CLEC2A: variants seen among roughly 807,000 people sequenced by gnomAD.
CLEC2A encodes the protein C-type lectin domain family 2 member A, also known as keratinocyte-associated C-type lectin.
A neutral mutation model predicts 18.6 loss-of-function variants in CLEC2A; 19 were observed. That is an observed-to-expected ratio of 1.02 (90% CI 0.71 to 1.50). The LOEUF (loss-of-function observed/expected upper bound fraction) is 1.50, where lower values mean the gene tolerates loss of function less well. Ranked by LOEUF, CLEC2A falls within the 40% of genes most tolerant of loss-of-function variation. The probability of loss-of-function intolerance (pLI) is 0.00; values close to 1 mark genes in which losing one functional copy is unlikely to be tolerated. For synonymous variants in CLEC2A, 74 were observed against 64.0 expected, an observed-to-expected ratio of 1.16 and a Z score of -0.75; for missense variants, 190 against 207.9, an observed-to-expected ratio of 0.91 and a Z score of 0.53.
chr12:9,913,401 T>C lies in CLEC2A; in HGVS notation c.*165A>G. On this transcript the variant is annotated 3_prime_UTR_variant, in exon 5 of 5. Coordinates refer to ENST00000455827, the MANE Select transcript of CLEC2A (RefSeq NM_001130711.2). The stretch of plus-strand genomic sequence containing the variant: ...GCTCCAGAGAACGGCCTTGTCTCTT[T>C]AACCATGGCAGGGCACAGCAAGAAG... 1 of 1,267,726 alleles carries C rather than the reference T, an allele frequency of 7.9e-7. No individual in the cohort carries two copies. 78.5% of individuals were successfully genotyped at this position (1,267,726 alleles called of 1,614,324 possible).
At chr12:9,887,414 A>G in the CLEC2A span, among the ~76,000 whole-genome samples, 1 of 152,234 alleles carries the variant, frequency 6.6e-6, no homozygotes, top group Admixed American at 6.5e-5. Context: ...AAACGCACCT[A>G]AAAAGATTCT....
chr12:9,894,126 TTCTCTCTC>T (rs141327204), downstream of CLEC2A, among the ~76,000 whole-genome samples: 407 of 130,290 alleles, frequency 3.1e-3, 3 homozygotes, highest in African/African-American at 0.011. Context: ...TTTCTTTTCT[TTCTCTCTC>T]TCTCTCTCTC....
rs553835403 is a variant in CLEC2A, at chr12:9,900,343, C to G, written c.411-1367G>C. 6.2e-4 allele frequency among the ~76,000 whole-genome samples: 94 copies of G among 152,218 alleles called. No homozygotes were observed. In the South Asian group the frequency reaches 0.019, roughly 31 times the overall value. On this transcript the variant is annotated intron_variant, in intron 4 of 4. Transcript: ENST00000339766. The stretch of plus-strand genomic sequence containing the variant: ...TAAGATGTAAGCAAAAACTTCAAAA[C>G]AACGAGTGATCTTAGAATTTAATAA...
At chr12:9,897,597 A>T (rs529635617), downstream of CLEC2A, among the ~76,000 whole-genome samples, 1 of 150,958 alleles carries the variant, frequency 6.6e-6, no homozygotes, top group African/African-American at 2.4e-5. Flanking sequence ...TCCTGCCAAC[A>T]GTGCCACCTC....
At chr12:9,884,281 T>A in the CLEC2A span, among the ~76,000 whole-genome samples, 7 of 151,980 alleles carry the variant, frequency 4.6e-5, no homozygotes, top group African/African-American at 1.7e-4. Flanking sequence ...TACTATAGCA[T>A]AGATGTCATA....
chr12:9,890,481 G>T, the CLEC2A span, among the ~76,000 whole-genome samples: 1 of 152,218 alleles, frequency 6.6e-6, no homozygotes, highest in East Asian at 1.9e-4. Context: ...TTTCCTTCTG[G>T]CTTTCAGCTA....
chr12:9,898,917 C>G lies in CLEC2A; in HGVS notation c.470G>C (p.Gly157Ala), dbSNP rs1430373152. ...TCCCTCAGAGGCCTATCTAAGGGGT[C>G]CCAGCAGAAGAAGCCATTGTCGGAG... Residue 157 changes from glycine to alanine, a missense_variant, in exon 5 of 5, where the codon GGA (glycine) becomes GCA (alanine). Gly to Ala is a moderately conservative substitution (Grantham distance 60, BLOSUM62 0). Transcript: ENST00000339766. 4 of 715,988 alleles carry G rather than the reference C, an allele frequency of 5.6e-6. No homozygotes were observed. The African/African-American group carries it at 7.0e-5, about 13-fold the overall frequency. The allele number at this position is 715,988 out of a possible 1,614,324, so 44.4% of individuals were successfully genotyped here. A position where few individuals can be genotyped will look rare whatever the true frequency, so the allele number is the denominator to read the frequency against.
chr12:9,881,835 A>T, the CLEC2A span, among the ~76,000 whole-genome samples: 1 of 152,222 alleles, frequency 6.6e-6, no homozygotes, highest in African/African-American at 2.4e-5. Flanking sequence ...AACAATAAAA[A>T]GTCTGCATTT....
chr12:9,921,453 G>A (rs945142246), intron 3 of CLEC2A, among the ~76,000 whole-genome samples: 7 of 152,034 alleles, frequency 4.6e-5, no homozygotes, highest in African/African-American at 1.7e-4. Flanking sequence ...CAGGAGTGGT[G>A]GTCTGCACCT....
chr12:9,895,734 C>T, downstream of CLEC2A: 1 of 1,535,770 alleles, frequency 6.5e-7, no homozygotes, highest in South Asian at 1.2e-5. Context: ...GTGCCGTTAT[C>T]ACAGGAAACT....
In CLEC2A at chr12:9,918,242, T is replaced by C. The variant is rs746582725; in HGVS notation, c.307-1439A>G. Among the ~76,000 whole-genome samples the C allele has an allele frequency of 6.3e-4, 96 of 152,228 alleles. 1 individual carries two copies. The highest frequency in any genetic ancestry group is 4.6e-4 in the Admixed American group (7 of 15,288). ...TTTTTATAGTTTGGGGTTTTACATT[T>C]AGGTCTTTAATCCATCCTGAGTTGA... On this transcript the variant is annotated intron_variant, in intron 3 of 4. Coordinates refer to ENST00000455827, the MANE Select transcript of CLEC2A (RefSeq NM_001130711.2).
intron 4 of CLEC2A, among the ~76,000 whole-genome samples, chr12:9,906,288 C>A (rs1565528124): frequency 6.6e-6 from 1 of 151,996 alleles, no homozygotes; most frequent in Non-Finnish European, 1.5e-5. Flanking sequence ...ATGGGGACTG[C>A]AATAGGGGGA....
intron 1 of CLEC2A, 52 bp from the exon 2 acceptor site, chr12:9,926,395 G>C: frequency 9.1e-7 from 1 of 1,098,252 alleles, no homozygotes; most frequent in South Asian, 1.3e-5. Flanking sequence ...ACACTGACTC[G>C]ATATTATTAC....
intron 4 of CLEC2A, among the ~76,000 whole-genome samples, chr12:9,900,607 G>A (rs1862812383): frequency 6.6e-6 from 1 of 152,144 alleles, no homozygotes; most frequent in African/African-American, 2.4e-5. Flanking sequence ...GCCCAGTCAT[G>A]GGTTTGCATC....
chr12:9,888,096 G>GA, the CLEC2A span, among the ~76,000 whole-genome samples: 1,519 of 101,248 alleles, frequency 0.015, 23 homozygotes, highest in African/African-American at 0.042. Flanking sequence ...TAATAAAAAT[G>GA]AAAAAAAAAA....
intron 1 of CLEC2A, among the ~76,000 whole-genome samples, chr12:9,931,826 G>C (rs1461827165): frequency 6.6e-6 from 1 of 151,974 alleles, no homozygotes; most frequent in East Asian, 1.9e-4. Flanking sequence ...TTTATTTATT[G>C]GTTTGTTTAT....
intron 2 of CLEC2A, among the ~76,000 whole-genome samples, chr12:9,922,943 G>T (rs1863198141): frequency 1.3e-5 from 2 of 152,244 alleles, no homozygotes; most frequent in South Asian, 4.1e-4. Flanking sequence ...TTATTATTTT[G>T]TAGTGCTCAG....
the CLEC2A span, among the ~76,000 whole-genome samples, chr12:9,889,467 ACTG>A: frequency 6.6e-6 from 1 of 152,236 alleles, no homozygotes; most frequent in Admixed American, 6.5e-5. Flanking sequence ...TCTTAGAAAA[ACTG>A]CTGAGGTCCC....
At chr12:9,924,113 T>C (rs1863223330) in intron 2 of CLEC2A, among the ~76,000 whole-genome samples, 1 of 151,916 alleles carries the variant, frequency 6.6e-6, no homozygotes, top group Non-Finnish European at 1.5e-5. Flanking sequence ...ACTTAAAGTA[T>C]AATAATAAAA....
Sources: gnomAD v4.1 joint callset for allele counts (sites outside exome capture counted in the v4.1 genomes callset) on GRCh38, gnomAD v4.1.1 for gene constraint, MANE v1.5 for transcripts, NCBI Gene and HGNC (gene_info 2026-07-23, HGNC 2026-07-21) for gene names.